The following TMC1 variants were observed in gnomAD, a reference collection of about 807,000 sequenced individuals.
TMC1 encodes transmembrane channel like 1, also known as transmembrane channel-like protein 1.
TMC1 carries 84 observed loss-of-function variants against 105.8 expected under a neutral mutation model. That is an observed-to-expected ratio of 0.79 (90% CI 0.67 to 0.95). The LOEUF (loss-of-function observed/expected upper bound fraction) is 0.95. TMC1 is among the 40% of genes least tolerant of loss of function. The probability of loss-of-function intolerance (pLI) is 0.00; values close to 1 mark genes in which losing one functional copy is unlikely to be tolerated. For synonymous variants in TMC1, 315 were observed against 311.5 expected (o/e 1.01, Z -0.12); for missense variants, 817 against 914.1 (o/e 0.89, Z 1.37).
At chr9:72,741,177 C>T (rs2118018893) in intron 9 of TMC1, 1 of 162,464 alleles carries the variant, frequency 6.2e-6, no homozygotes, top group Non-Finnish European at 1.3e-5. Context: ...TTTGTTGAAA[C>T]AATAATGCAG....
intron 8 of TMC1, among the ~76,000 whole-genome samples, chr9:72,729,367 G>A (rs747736197): frequency 6.6e-6 from 1 of 151,962 alleles, no homozygotes; most frequent in African/African-American, 2.4e-5. Context: ...AAGTTAAGAG[G>A]TTATGAAAAT....
rs1454394179 is a variant in TMC1, at chr9:72,622,913, G to A, written c.-195-5008G>A. Among the ~76,000 whole-genome samples, 7 of 152,018 alleles carry A rather than the reference G, an allele frequency of 4.6e-5. No homozygotes were observed. In the Middle Eastern group the frequency reaches 0.01, roughly 222 times the overall value. ...TCAAAAGTACAAAAATTAGCTGGGT[G>A]TGGTGGCGGGTGCCTGTAATCCCAG... is the stretch of plus-strand genomic sequence containing the variant. On this transcript the variant is annotated intron_variant, in intron 3 of 23. Transcript: ENST00000297784.
rs187474334 is a variant in TMC1, at chr9:72,554,748, G to A, written c.-427-23154G>A. On this transcript the variant is annotated intron_variant, in intron 1 of 23. Transcript: ENST00000297784. ...GGGGGTTGGATCGTGTGATTTATAA[G>A]GGGCTTTCTTACTTTCTAACATTCC... Among the ~76,000 whole-genome samples, 1,065 of 152,280 alleles carry A rather than the reference G, an allele frequency of 7.0e-3. 8 individuals carry two copies. The highest frequency in any genetic ancestry group is 0.012 in the Non-Finnish European group (788 of 68,020).
At chr9:72,618,690 CAT>C (rs1187558556) in intron 3 of TMC1, among the ~76,000 whole-genome samples, 1 of 151,972 alleles carries the variant, frequency 6.6e-6, no homozygotes, top group Non-Finnish European at 1.5e-5. Context: ...ATTTATAATA[CAT>C]ATGTTAATGT....
chr9:72,639,955 G>A (rs1296084968), intron 4 of TMC1, among the ~76,000 whole-genome samples: 1 of 152,074 alleles, frequency 6.6e-6, no homozygotes, highest in African/African-American at 2.4e-5. Context: ...ATTTAAAATA[G>A]ATCAAAGAAC....
intron 8 of TMC1, among the ~76,000 whole-genome samples, chr9:72,734,015 G>A (rs1297952916): frequency 2.0e-5 from 3 of 152,184 alleles, no homozygotes; most frequent in African/African-American, 7.2e-5. Context: ...GTGATACTGT[G>A]ACAGTCAATC....
At chr9:72,685,280 A>G (rs1460714741) in intron 5 of TMC1, among the ~76,000 whole-genome samples, 1 of 146,956 alleles carries the variant, frequency 6.8e-6, no homozygotes, top group Non-Finnish European at 1.5e-5. Flanking sequence ...ATAATTTTTT[A>G]TATTTTTAGT....
chr9:72,546,520 G>C (rs1011932460), intron 1 of TMC1, among the ~76,000 whole-genome samples: 1 of 152,116 alleles, frequency 6.6e-6, no homozygotes, highest in Non-Finnish European at 1.5e-5. Flanking sequence ...TATTGCTGCT[G>C]GCTGTTTTCT....
chr9:72,577,234 C>A (rs1395132576), intron 1 of TMC1, among the ~76,000 whole-genome samples: 1 of 152,176 alleles, frequency 6.6e-6, no homozygotes, highest in Non-Finnish European at 1.5e-5. Flanking sequence ...TCTTGGGCTG[C>A]TCATAACCTA....
chr9:72,775,332 T>C (rs1827990192), intron 13 of TMC1, among the ~76,000 whole-genome samples: 1 of 152,036 alleles, frequency 6.6e-6, no homozygotes, highest in Admixed American at 6.6e-5. Flanking sequence ...TCATGATAAA[T>C]ATAGTTACAT....
chr9:72,708,337 T>G (rs1826778573), intron 8 of TMC1, among the ~76,000 whole-genome samples: 1 of 152,224 alleles, frequency 6.6e-6, no homozygotes, highest in Non-Finnish European at 1.5e-5. Flanking sequence ...GCATTGAATT[T>G]GTAGATTACT....
chr9:72,641,850 CT>C (rs1321520980), intron 4 of TMC1, among the ~76,000 whole-genome samples: 1 of 131,158 alleles, frequency 7.6e-6, no homozygotes, highest in African/African-American at 3.0e-5. Context: ...GACAGTCTCG[CT>C]CTATTGCCCA....
At chr9:72,562,249 C>T (rs1397724563) in intron 1 of TMC1, among the ~76,000 whole-genome samples, 3 of 152,130 alleles carry the variant, frequency 2.0e-5, no homozygotes, top group South Asian at 4.1e-4. Flanking sequence ...ATTTAAAAAA[C>T]ACAATTTTTT....
chr9:72,528,476 AG>A (rs1823443793), intron 1 of TMC1, among the ~76,000 whole-genome samples: 1 of 151,958 alleles, frequency 6.6e-6, no homozygotes, highest in African/African-American at 2.4e-5. Context: ...CTGGGATTAT[AG>A]GCATGCGCCA....
intron 20 of TMC1, among the ~76,000 whole-genome samples, chr9:72,824,839 T>C (rs1828928081): frequency 6.6e-6 from 1 of 152,222 alleles, no homozygotes; most frequent in Non-Finnish European, 1.5e-5. Flanking sequence ...GGTCTGAGGA[T>C]TTAACTTGGA....
chr9:72,804,071 T>C (rs1241230920), intron 17 of TMC1, among the ~76,000 whole-genome samples: 2 of 152,204 alleles, frequency 1.3e-5, no homozygotes, highest in Admixed American at 1.3e-4. Flanking sequence ...AATGAGATCA[T>C]GTCCTTTGCA....
intron 3 of TMC1, among the ~76,000 whole-genome samples, chr9:72,621,106 A>G (rs1197243056): frequency 6.6e-6 from 1 of 152,198 alleles, no homozygotes; most frequent in Non-Finnish European, 1.5e-5. Context: ...TTCATAACTG[A>G]TTACACAAAT....
intron 13 of TMC1, among the ~76,000 whole-genome samples, chr9:72,787,861 A>G (rs1828195490): frequency 6.6e-6 from 1 of 152,184 alleles, no homozygotes; most frequent in South Asian, 2.1e-4. Context: ...ATTAAAATTT[A>G]CATAGGAGTT....
chr9:72,796,446 T>C (rs759933158), intron 17 of TMC1, among the ~76,000 whole-genome samples: 16 of 152,144 alleles, frequency 1.1e-4, no homozygotes, highest in Admixed American at 6.5e-4. Flanking sequence ...GCCAATATCA[T>C]GAGGCCCATC....
Sources: allele counts gnomAD v4.1 joint callset (sites outside exome capture counted in the v4.1 genomes callset), GRCh38; gene constraint gnomAD v4.1.1; transcripts MANE v1.5; gene names NCBI Gene and HGNC (gene_info 2026-07-23, HGNC 2026-07-21).